The following JAZF1 variants were observed in gnomAD, a reference collection of about 807,000 sequenced individuals.
The protein encoded by JAZF1 is JAZF zinc finger 1, also known as juxtaposed with another zinc finger protein 1.
Under a neutral mutation model 26.4 loss-of-function variants are expected in JAZF1, and 8 were observed. The observed-to-expected ratio is 0.30, with a 90% CI of 0.18 to 0.55. The LOEUF is 0.55. Ranked by LOEUF, JAZF1 falls within the 20% of genes least tolerant of loss-of-function variation. The pLI is 0.94. For synonymous variants in JAZF1, 126 were observed against 122.3 expected, an observed-to-expected ratio of 1.03 and a Z score of -0.20; for missense variants, 199 against 322.0, an observed-to-expected ratio of 0.62 and a Z score of 2.92.
intron 1 of JAZF1, among the ~76,000 whole-genome samples, chr7:28,101,952 A>T (rs1409217710): frequency 6.6e-6 from 1 of 152,142 alleles, no homozygotes; most frequent in Non-Finnish European, 1.5e-5. Flanking sequence ...AGCTAGAGGG[A>T]TAAAATGCTA....
At chr7:28,056,180 G>A (rs1783704145) in intron 1 of JAZF1, among the ~76,000 whole-genome samples, 1 of 151,396 alleles carries the variant, frequency 6.6e-6, no homozygotes. Flanking sequence ...GGGGGAATAT[G>A]ATTTAGGGAG....
intron 3 of JAZF1, among the ~76,000 whole-genome samples, chr7:27,874,819 A>G (rs529886024): frequency 3.3e-5 from 5 of 152,278 alleles, no homozygotes; most frequent in Admixed American, 6.5e-5. Flanking sequence ...AGGCTGGTCA[A>G]TAGCCTTTGG....
intron 3 of JAZF1, among the ~76,000 whole-genome samples, chr7:27,849,465 T>C (rs908463724): frequency 1.3e-5 from 2 of 152,184 alleles, no homozygotes; most frequent in South Asian, 2.1e-4. Flanking sequence ...CTGTCACATA[T>C]AAAAATTGGC....
At chr7:27,856,202 C>T (rs900995506) in intron 3 of JAZF1, among the ~76,000 whole-genome samples, 3 of 152,092 alleles carry the variant, frequency 2.0e-5, no homozygotes, top group East Asian at 3.9e-4. Context: ...CTGGGGGGTT[C>T]GTGGTCTCGC....
At chr7:27,957,138 G>A (rs1279989818) in intron 2 of JAZF1, among the ~76,000 whole-genome samples, 2 of 150,804 alleles carry the variant, frequency 1.3e-5, no homozygotes, top group Admixed American at 1.3e-4. Flanking sequence ...GTTCTCTTCC[G>A]GGTAAGTGAA....
chr7:27,851,708 C>T (rs1217486364), intron 3 of JAZF1, among the ~76,000 whole-genome samples: 1 of 152,094 alleles, frequency 6.6e-6, no homozygotes, highest in Non-Finnish European at 1.5e-5. Context: ...AAATGCAAAC[C>T]AAAAAACGAA....
intron 2 of JAZF1, among the ~76,000 whole-genome samples, chr7:27,897,117 A>G (rs1011207404): frequency 6.6e-6 from 1 of 152,050 alleles, no homozygotes; most frequent in Non-Finnish European, 1.5e-5. Context: ...ACTGCTAACT[A>G]TCATGGTGCT....
intron 1 of JAZF1, among the ~76,000 whole-genome samples, chr7:27,995,457 C>T (rs929309485): frequency 6.6e-6 from 1 of 152,138 alleles, no homozygotes; most frequent in African/African-American, 2.4e-5. Flanking sequence ...TTTAGCAGGG[C>T]AGGGTAGGGC....
chr7:28,023,150 T>C lies in JAZF1; in HGVS notation c.116-31169A>G, dbSNP rs1045489338. The stretch of plus-strand genomic sequence containing the variant: ...GGTTCACACCTAGATGAGATTACCA[T>C]GGCCTAGAATGGCCTTGCAAGGACT... On this transcript the variant is annotated intron_variant, in intron 1 of 4. Transcript: ENST00000283928. 2.0e-5 allele frequency among the ~76,000 whole-genome samples: 3 copies of C among 152,184 alleles called. No individual in the cohort carries two copies. In the South Asian group the frequency reaches 6.2e-4, roughly 32 times the overall value.
rs543642915 is a variant in JAZF1, at chr7:27,987,582, G to A, written c.188+4327C>T. Among the ~76,000 whole-genome samples, 164 of 150,146 alleles carry A rather than the reference G, an allele frequency of 1.1e-3. 1 individual carries two copies. Among genetic ancestry groups the A allele is most frequent in the African/African-American group, 3.7e-3 (152 of 40,708 alleles). On this transcript the variant is annotated intron_variant, in intron 2 of 4. Coordinates refer to ENST00000283928, the MANE Select transcript of JAZF1 (RefSeq NM_175061.4). Reference sequence around the variant, plus strand: ...GGGAGGGAGGTGGGGGGCAGCCCCCGCCCGGCCAGCCGCCCCGTCCGGGAG... The same window carrying A: ...GGGAGGGAGGTGGGGGGCAGCCCCCACCCGGCCAGCCGCCCCGTCCGGGAG...
Position 27,870,518 on chromosome 7 carries a change from T to C in JAZF1, c.385+24702A>G, listed in dbSNP as rs541874760. Among the ~76,000 whole-genome samples, 5 of 152,274 alleles carry C rather than the reference T, an allele frequency of 3.3e-5. No individual in the cohort carries two copies. The East Asian group carries it at 9.7e-4, about 29-fold the overall frequency. The stretch of plus-strand genomic sequence containing the variant: ...ACACTCAAGCTTGACCTATATACAA[T>C]GTTATCACTGTGTCATAGAATAATA... On this transcript the variant is annotated intron_variant, in intron 3 of 4. Transcript: ENST00000283928.
chr7:28,030,569 A>C (rs1583518807), intron 1 of JAZF1, among the ~76,000 whole-genome samples: 1 of 152,328 alleles, frequency 6.6e-6, no homozygotes, highest in East Asian at 1.9e-4. Context: ...TCCTTTTGGA[A>C]GACAGTTGCA....
intron 1 of JAZF1, among the ~76,000 whole-genome samples, chr7:28,042,843 G>C (rs1485072749): frequency 6.6e-6 from 1 of 152,092 alleles, no homozygotes; most frequent in African/African-American, 2.4e-5. Flanking sequence ...TGTGTAGCAG[G>C]CTCTACCATA....
At chr7:28,128,339 T>C (rs1392162878) in intron 1 of JAZF1, among the ~76,000 whole-genome samples, 2 of 152,064 alleles carry the variant, frequency 1.3e-5, no homozygotes, top group African/African-American at 4.8e-5. Context: ...CTGGCCAATA[T>C]GGTGAAACCC....
At chr7:27,909,370 G>C (rs1018853300) in intron 2 of JAZF1, among the ~76,000 whole-genome samples, 1 of 150,018 alleles carries the variant, frequency 6.7e-6, no homozygotes, top group African/African-American at 2.5e-5. Flanking sequence ...GTTGATGATG[G>C]TGATAATTTA....
At chr7:28,034,855 T>C (rs1783257850) in intron 1 of JAZF1, among the ~76,000 whole-genome samples, 1 of 152,210 alleles carries the variant, frequency 6.6e-6, no homozygotes, top group Non-Finnish European at 1.5e-5. Context: ...GAATTTGCTA[T>C]TGAGTAAAAG....
Position 27,847,708 on chromosome 7 carries a change from C to A in JAZF1, c.386-6841G>T, listed in dbSNP as rs543353048. On this transcript the variant is annotated intron_variant, in intron 3 of 4. Coordinates refer to ENST00000283928, the MANE Select transcript of JAZF1 (RefSeq NM_175061.4). ...TCTGAGATGGAGTCTTGCACTGTCG[C>A]CCAGGCTGGAATGCAGTGGTGTAAT... 6.6e-5 allele frequency among the ~76,000 whole-genome samples: 10 copies of A among 152,262 alleles called. 1 individual carries two copies. The highest frequency in any genetic ancestry group is 1.3e-4 in the Non-Finnish European group (9 of 68,026).
At position 27,998,405 on chromosome 7, in the gene JAZF1, A is replaced by T. The variant is rs115264160; in HGVS notation, c.116-6424T>A. On this transcript the variant is annotated intron_variant, in intron 1 of 4. Coordinates refer to ENST00000283928, the MANE Select transcript of JAZF1 (RefSeq NM_175061.4). The stretch of plus-strand genomic sequence containing the variant: ...TTGCATCAACAATTTACAAAGACCA[A>T]CTTTTAATTCATGGCTAGTTTACTT... 5.1e-3 allele frequency among the ~76,000 whole-genome samples: 777 copies of T among 152,246 alleles called. 6 individuals carry two copies. Among genetic ancestry groups the T allele is most frequent in the African/African-American group, 0.018 (742 of 41,536 alleles).
At chr7:28,080,200 C>A (rs1261631898) in intron 1 of JAZF1, among the ~76,000 whole-genome samples, 1 of 152,148 alleles carries the variant, frequency 6.6e-6, no homozygotes, top group Admixed American at 6.5e-5. Flanking sequence ...ACTTCATGAA[C>A]CCAACTTCTG....
Sources: allele counts gnomAD v4.1 joint callset (sites outside exome capture counted in the v4.1 genomes callset), GRCh38; gene constraint gnomAD v4.1.1; transcripts MANE v1.5; gene names NCBI Gene and HGNC (gene_info 2026-07-23, HGNC 2026-07-21).